Variants in COL11A1 observed in about 807,000 individuals in gnomAD.
COL11A1 encodes collagen alpha-1(XI) chain.
Under a neutral mutation model 265.2 loss-of-function variants are expected in COL11A1, and 74 were observed. The ratio of observed to expected loss-of-function variants is 0.28; its 90% CI spans 0.23 to 0.34. COL11A1 has a LOEUF of 0.34. COL11A1 is among the 10% of genes least tolerant of loss of function. The pLI is 1.00. For missense variants in COL11A1, 2,165 were observed against 2,263.6 expected (o/e 0.96, Z 0.88); for synonymous variants, 816 against 727.6 (o/e 1.12, Z -1.96).
At chr1:103,012,507 C>T (rs765799118) in intron 13 of COL11A1, 38 bp from the exon 14 acceptor site, 1 of 1,499,398 alleles carries the variant, frequency 6.7e-7, no homozygotes, top group Non-Finnish European at 9.3e-7. Context: ...TAATATTCTC[C>T]TGGAAGAGCA....
chr1:103,076,813 T>A (rs1252552991), intron 3 of COL11A1, among the ~76,000 whole-genome samples: 1 of 152,130 alleles, frequency 6.6e-6, no homozygotes, highest in Non-Finnish European at 1.5e-5. Context: ...ACCTGGGTTG[T>A]TCATTGCTAC....
chr1:103,012,543 C>A, intron 13 of COL11A1, 74 bp from the exon 14 acceptor site: 1 of 1,103,260 alleles, frequency 9.1e-7, no homozygotes, highest in Non-Finnish European at 1.4e-6. Context: ...TGAATCTGCA[C>A]AAGCTGCCCT....
At chr1:103,101,687 G>A (rs1302506486) in intron 1 of COL11A1, among the ~76,000 whole-genome samples, 2 of 151,556 alleles carry the variant, frequency 1.3e-5, no homozygotes, top group African/African-American at 2.4e-5. Context: ...GTACAGTACA[G>A]AGCCATTCAA....
intron 7 of COL11A1, among the ~76,000 whole-genome samples, chr1:103,023,740 A>G (rs1044997787): frequency 3.3e-5 from 5 of 152,166 alleles, no homozygotes; most frequent in Non-Finnish European, 7.4e-5. Context: ...TTTGAGTCTC[A>G]TCCCATAAAT....
rs1665607462 is a variant in COL11A1 at position 103,006,292 on chromosome 1, G to C, written c.1707C>G (p.Pro569=). 1.9e-6 allele frequency: 3 copies of C among 1,609,280 alleles called. No homozygotes were observed. Among genetic ancestry groups the C allele is most frequent in the Non-Finnish European group, 1.7e-6 (2 of 1,177,722 alleles). The change falls in exon 16 of 67, where the codon CCC becomes CCG. Residue 569 remains proline (P), a synonymous_variant. Coordinates refer to ENST00000370096, the MANE Select transcript of COL11A1 (RefSeq NM_001854.4). The stretch of plus-strand genomic sequence containing the variant: ...TTCCAGGTTTTCCCGTTGGACCAGG[G>C]GGACCCTGGACGCCTCGAGGGCCCT... ...GPQGPRGVQG[P]PGPTGKPGKR... is the part of the protein sequence containing the mutation.
At chr1:103,013,403 T>C (rs1299359168) in intron 13 of COL11A1, among the ~76,000 whole-genome samples, 1 of 151,936 alleles carries the variant, frequency 6.6e-6, no homozygotes, top group Non-Finnish European at 1.5e-5. Flanking sequence ...AGGAATTCAA[T>C]GACCTCATAA....
Position 103,006,526 on chromosome 1 carries a change from A to ATTTTTTTTT in COL11A1, c.1684-220_1684-212dup, listed in dbSNP as rs4013849. Among the ~76,000 whole-genome samples the ATTTTTTTTT allele has an allele frequency of 2.8e-3, 228 of 82,872 alleles. 30 individuals are homozygous for ATTTTTTTTT. Among genetic ancestry groups the ATTTTTTTTT allele is most frequent in the African/African-American group, 3.3e-3 (69 of 20,668 alleles). The allele number at this position is 82,872 out of a possible 152,430, so 54.4% of individuals were successfully genotyped here. On this transcript the variant is annotated intron_variant, in intron 15 of 66. Transcript: ENST00000370096. ...ATACCTATTTTTTCTAAATGGCTCC[A>ATTTTTTTTT]TTTTTTTTTTTTTTTTTTTTTTTTT...
intron 4 of COL11A1, among the ~76,000 whole-genome samples, chr1:103,053,121 G>A (rs1020024363): frequency 2.0e-5 from 3 of 152,068 alleles, no homozygotes; most frequent in East Asian, 1.9e-4. Flanking sequence ...ATCCAATGAC[G>A]CACTAATCAG....
chr1:103,058,960 A>G (rs1670446630), intron 4 of COL11A1, among the ~76,000 whole-genome samples: 1 of 152,110 alleles, frequency 6.6e-6, no homozygotes, highest in South Asian at 2.1e-4. Flanking sequence ...CATACTTATA[A>G]TAATAATAAA....
intron 37 of COL11A1, 41 bp downstream of exon 37, chr1:102,970,178 T>C (rs1479679295): frequency 1.3e-6 from 2 of 1,556,266 alleles, no homozygotes; most frequent in South Asian, 2.2e-5. Context: ...GATGAGGTGC[T>C]AGAGATGGAA....
chr1:103,041,652 T>C (rs1668817998), intron 4 of COL11A1, among the ~76,000 whole-genome samples: 1 of 151,918 alleles, frequency 6.6e-6, no homozygotes, highest in South Asian at 2.1e-4. Flanking sequence ...GAGAGGACTT[T>C]TAAAGTATGC....
chr1:103,042,578 T>A (rs530046079), intron 4 of COL11A1, among the ~76,000 whole-genome samples: 1 of 152,036 alleles, frequency 6.6e-6, no homozygotes, highest in African/African-American at 2.4e-5. Flanking sequence ...CACCAGGAGT[T>A]TGGAAGTTGG....
At chr1:102,934,924 A>C in intron 45 of COL11A1, 136 bp downstream of exon 45, 1 of 796,432 alleles carries the variant, frequency 1.3e-6, no homozygotes, top group Non-Finnish European at 2.1e-6. Flanking sequence ...TATATTTGAT[A>C]ATTTAAATTT....
intron 4 of COL11A1, among the ~76,000 whole-genome samples, chr1:103,061,620 A>C (rs930204606): frequency 6.6e-6 from 1 of 152,084 alleles, no homozygotes; most frequent in South Asian, 2.1e-4. Flanking sequence ...ACTTCTAACT[A>C]ATACATGGAT....
chr1:103,078,639 G>T lies in COL11A1; in HGVS notation c.488+19C>A. The T allele has an allele frequency of 6.3e-7, 1 of 1,598,392 alleles. No individual in the cohort carries two copies. The highest frequency in any genetic ancestry group is 8.6e-7 in the Non-Finnish European group (1 of 1,166,178). ...ATGATTTTGGCATAGCTAAAACATT[G>T]TATTATTTTGTTACTTACTTCCCGT... On this transcript the variant is annotated intron_variant, in intron 3 of 66. Coordinates refer to ENST00000370096, the MANE Select transcript of COL11A1 (RefSeq NM_001854.4).
chr1:103,016,426 T>A (rs1297640516), intron 11 of COL11A1, among the ~76,000 whole-genome samples: 1 of 151,900 alleles, frequency 6.6e-6, no homozygotes, highest in Non-Finnish European at 1.5e-5. Flanking sequence ...AAGATATGGA[T>A]ATGAATATAG....
intron 66 of COL11A1, among the ~76,000 whole-genome samples, chr1:102,879,025 C>T (rs1027438081): frequency 9.5e-4 from 144 of 152,024 alleles, no homozygotes; most frequent in African/African-American, 3.3e-3. Context: ...GCTTTACTCT[C>T]TCTTCTTCAT....
intron 46 of COL11A1, among the ~76,000 whole-genome samples, chr1:102,927,875 G>A (rs1271587857): frequency 6.6e-6 from 1 of 152,090 alleles, no homozygotes; most frequent in Non-Finnish European, 1.5e-5. Context: ...AACATGTGCT[G>A]TTGGCAGTTG....
At chr1:103,080,459 T>C (rs943104480) in intron 2 of COL11A1, among the ~76,000 whole-genome samples, 1 of 151,700 alleles carries the variant, frequency 6.6e-6, no homozygotes, top group Non-Finnish European at 1.5e-5. Context: ...TGTAAGGAAC[T>C]CAAACAACTC....
Sources: gnomAD v4.1 joint callset for allele counts (sites outside exome capture counted in the v4.1 genomes callset) on GRCh38, gnomAD v4.1.1 for gene constraint, MANE v1.5 for transcripts, NCBI Gene and HGNC (gene_info 2026-07-23, HGNC 2026-07-21) for gene names.